The following NRXN1 variants were observed in gnomAD, a reference collection of about 807,000 sequenced individuals.
NRXN1 encodes neurexin 1, also known as neurexin-1.
A neutral mutation model predicts 150.9 loss-of-function variants in NRXN1; 39 were observed. That is an observed-to-expected ratio of 0.26 (90% CI 0.20 to 0.34). The LOEUF is 0.34. NRXN1 is among the 10% of genes least tolerant of loss of function. The pLI is 1.00. For missense variants in NRXN1, 1,815 were observed against 1,949.9 expected, an observed-to-expected ratio of 0.93 and a Z score of 1.30; for synonymous variants, 924 against 757.0, an observed-to-expected ratio of 1.22 and a Z score of -3.62.
chr2:50,114,335 C>T (rs1702750564), intron 18 of NRXN1, among the ~76,000 whole-genome samples: 1 of 152,028 alleles, frequency 6.6e-6, no homozygotes, highest in African/African-American at 2.4e-5. Context: ...GTAGAATGGC[C>T]AAAACCTGGG....
chr2:50,322,247 A>G (rs2076094841), intron 17 of NRXN1, among the ~76,000 whole-genome samples: 1 of 152,116 alleles, frequency 6.6e-6, no homozygotes, highest in South Asian at 2.1e-4. Context: ...CAAAACAATC[A>G]TTTATAAAGG....
intron 5 of NRXN1, among the ~76,000 whole-genome samples, chr2:50,850,501 G>C (rs969772944): frequency 1.3e-5 from 2 of 152,096 alleles, no homozygotes; most frequent in African/African-American, 4.8e-5. Context: ...AGTCACAGTA[G>C]GCTCAGAGTC....
Position 50,810,510 on chromosome 2 carries a change from A to G in NRXN1, c.832+111359T>C, listed in dbSNP as rs530790530. ...ATAAACATTTTACTCCCAGAAATTC[A>G]TCTTAAATCCATCTTATAACATAAA... On this transcript the variant is annotated intron_variant, in intron 5 of 22. Transcript: ENST00000401669. 2.0e-5 allele frequency among the ~76,000 whole-genome samples: 3 copies of G among 152,314 alleles called. No individual in the cohort carries two copies. In the South Asian group the frequency reaches 6.2e-4, roughly 32 times the overall value.
chr2:50,664,501 T>C (rs1007532153), intron 5 of NRXN1, among the ~76,000 whole-genome samples: 16 of 149,608 alleles, frequency 1.1e-4, no homozygotes, highest in African/African-American at 3.7e-4. Flanking sequence ...CATTGATGAT[T>C]TAAAAAAAAA....
At chr2:50,540,369 C>A (rs552744423) in intron 9 of NRXN1, among the ~76,000 whole-genome samples, 1 of 152,248 alleles carries the variant, frequency 6.6e-6, no homozygotes, top group East Asian at 1.9e-4. Context: ...AAATATAAAG[C>A]ATGGCATTTT....
intron 5 of NRXN1, among the ~76,000 whole-genome samples, chr2:50,709,812 T>C (rs1694917606): frequency 6.6e-6 from 1 of 152,188 alleles, no homozygotes; most frequent in African/African-American, 2.4e-5. Context: ...ATTAAATTAC[T>C]TGACCATTCT....
intron 17 of NRXN1, among the ~76,000 whole-genome samples, chr2:50,281,724 G>A (rs2071492296): frequency 6.6e-6 from 1 of 152,134 alleles, no homozygotes; most frequent in South Asian, 2.1e-4. Flanking sequence ...TCGCAAAAAT[G>A]AGACCCAGTC....
At chr2:50,458,225 T>C (rs2087784871) in intron 17 of NRXN1, among the ~76,000 whole-genome samples, 1 of 152,008 alleles carries the variant, frequency 6.6e-6, no homozygotes, top group Non-Finnish European at 1.5e-5. Context: ...TGCGAGCTAG[T>C]AAAATTGACC....
chr2:50,255,848 T>C (rs934868323), intron 17 of NRXN1, among the ~76,000 whole-genome samples: 1 of 152,186 alleles, frequency 6.6e-6, no homozygotes, highest in Non-Finnish European at 1.5e-5. Flanking sequence ...ATTACTATCA[T>C]TAACTAATTA....
intron 17 of NRXN1, among the ~76,000 whole-genome samples, chr2:50,327,109 G>A (rs765273108): frequency 3.9e-5 from 6 of 152,038 alleles, no homozygotes; most frequent in Non-Finnish European, 7.4e-5. Flanking sequence ...AATGCTTATA[G>A]GTATAATAGC....
At chr2:50,113,366 A>C (rs1025895677) in intron 18 of NRXN1, among the ~76,000 whole-genome samples, 1 of 152,184 alleles carries the variant, frequency 6.6e-6, no homozygotes, top group Non-Finnish European at 1.5e-5. Context: ...CTCCATGTCA[A>C]ATTGACCTCT....
chr2:50,202,464 C>G (rs1396399995), intron 18 of NRXN1, among the ~76,000 whole-genome samples: 2 of 152,038 alleles, frequency 1.3e-5, no homozygotes, highest in Non-Finnish European at 2.9e-5. Context: ...TGAGATCATG[C>G]TACTACATTC....
At chr2:50,264,023 T>G (rs1039283338) in intron 17 of NRXN1, among the ~76,000 whole-genome samples, 1 of 152,140 alleles carries the variant, frequency 6.6e-6, no homozygotes, top group African/African-American at 2.4e-5. Context: ...CCTAGTCTGT[T>G]GAGTGAAGCT....
chr2:50,098,830 G>GT, intron 18 of NRXN1, among the ~76,000 whole-genome samples: 1 of 105,566 alleles, frequency 9.5e-6, no homozygotes, highest in Admixed American at 1.1e-4. Context: ...TTTGGTTTTA[G>GT]TTTTTTTTTT....
intron 8 of NRXN1, among the ~76,000 whole-genome samples, chr2:50,562,342 G>GATAGATAA (rs1159143028): frequency 3.3e-5 from 5 of 151,872 alleles, no homozygotes; most frequent in African/African-American, 1.2e-4. Flanking sequence ...TAGATAGATA[G>GATAGATAA]ATAGATAGAT....
chr2:50,155,481 C>T (rs1201598233), intron 18 of NRXN1, among the ~76,000 whole-genome samples: 3 of 151,146 alleles, frequency 2.0e-5, no homozygotes, highest in Middle Eastern at 3.4e-3. Context: ...AATTACAATG[C>T]TGACAAATGT....
chr2:50,367,558 T>G (rs1380092144), intron 17 of NRXN1, among the ~76,000 whole-genome samples: 2 of 152,020 alleles, frequency 1.3e-5, no homozygotes, highest in African/African-American at 4.8e-5. Flanking sequence ...TTGGGGGGTT[T>G]GGTTCTAAAT....
chr2:49,995,910 G>A (rs909174434), intron 21 of NRXN1, among the ~76,000 whole-genome samples: 1 of 141,734 alleles, frequency 7.1e-6, no homozygotes, highest in Non-Finnish European at 1.5e-5. Flanking sequence ...GAGCCTAAGT[G>A]TATGCCCCTT....
chr2:51,017,512 T>C (rs1214576360), intron 2 of NRXN1, among the ~76,000 whole-genome samples: 2 of 74,310 alleles, frequency 2.7e-5, no homozygotes, highest in African/African-American at 8.0e-5. Flanking sequence ...GCTTTTTTTT[T>C]TTTTTTTTTT....
Sources: allele counts gnomAD v4.1 joint callset (sites outside exome capture counted in the v4.1 genomes callset), GRCh38; gene constraint gnomAD v4.1.1; transcripts MANE v1.5; gene names NCBI Gene and HGNC (gene_info 2026-07-23, HGNC 2026-07-21).